CARMIL1: variants seen among roughly 807,000 people sequenced by gnomAD.
CARMIL1 encodes the protein F-actin-uncapping protein LRRC16A.
A neutral mutation model predicts 177.1 loss-of-function variants in CARMIL1; 90 were observed. That is an observed-to-expected ratio of 0.51 (90% CI 0.43 to 0.61). The LOEUF is 0.61. CARMIL1 is among the 20% of genes least tolerant of loss of function. The probability of loss-of-function intolerance (pLI) is 0.00; values close to 1 mark genes in which losing one functional copy is unlikely to be tolerated. For synonymous variants in CARMIL1, 577 were observed against 606.2 expected (o/e 0.95, Z 0.71); for missense variants, 1,380 against 1,667.0 (o/e 0.83, Z 3.00).
At chr6:25,335,672 T>C (rs920969306) in intron 2 of CARMIL1, among the ~76,000 whole-genome samples, 1 of 152,202 alleles carries the variant, frequency 6.6e-6, no homozygotes, top group African/African-American at 2.4e-5. Context: ...GTTCTTACAG[T>C]CCATTTCTAG....
At chr6:25,606,631 G>GA (rs1226011930) in intron 35 of CARMIL1, among the ~76,000 whole-genome samples, 1 of 152,176 alleles carries the variant, frequency 6.6e-6, no homozygotes, top group East Asian at 1.9e-4. Context: ...CAGACATTTT[G>GA]AAAAGCAGCA....
intron 31 of CARMIL1, among the ~76,000 whole-genome samples, chr6:25,593,018 A>G (rs1361778054): frequency 6.6e-6 from 1 of 152,178 alleles, no homozygotes; most frequent in Non-Finnish European, 1.5e-5. Context: ...AGCCTCTCTC[A>G]TAAGATCGGA....
intron 2 of CARMIL1, among the ~76,000 whole-genome samples, chr6:25,345,001 C>T (rs1311492312): frequency 1.3e-5 from 2 of 152,182 alleles, no homozygotes; most frequent in Non-Finnish European, 2.9e-5. Flanking sequence ...TACTGCAGAA[C>T]GTTTGAATGA....
chr6:25,552,088 C>G (rs972198814), intron 27 of CARMIL1, among the ~76,000 whole-genome samples: 2 of 152,006 alleles, frequency 1.3e-5, no homozygotes, highest in African/African-American at 4.8e-5. Context: ...CCCCTAAATC[C>G]TACTCAGCTG....
At chr6:25,359,012 T>C (rs1415273383) in intron 2 of CARMIL1, among the ~76,000 whole-genome samples, 1 of 152,232 alleles carries the variant, frequency 6.6e-6, no homozygotes, top group Non-Finnish European at 1.5e-5. Context: ...CATCATTCTA[T>C]GTACAATGTA....
At chr6:25,379,797 A>T (rs1791352236) in intron 2 of CARMIL1, among the ~76,000 whole-genome samples, 1 of 152,160 alleles carries the variant, frequency 6.6e-6, no homozygotes, top group African/African-American at 2.4e-5. Flanking sequence ...CAAAAGGCTC[A>T]CTTGCTTTTT....
At chr6:25,523,924 G>A (rs1384751108) in intron 23 of CARMIL1, among the ~76,000 whole-genome samples, 1 of 152,186 alleles carries the variant, frequency 6.6e-6, no homozygotes, top group Non-Finnish European at 1.5e-5. Context: ...AAAACTCCTA[G>A]GGGTCCAGTT....
chr6:25,398,004 T>C (rs16890548), intron 2 of CARMIL1, among the ~76,000 whole-genome samples: 5,788 of 152,286 alleles, frequency 0.038, 129 homozygotes, highest in South Asian at 0.08. Context: ...ATATTGATGT[T>C]ATTTAATGCA....
At chr6:25,506,135 G>A (rs547861676) in intron 17 of CARMIL1, among the ~76,000 whole-genome samples, 5 of 152,330 alleles carry the variant, frequency 3.3e-5, no homozygotes, top group African/African-American at 4.8e-5. Flanking sequence ...TCATTGTAGT[G>A]CCCCTTACCT....
intron 2 of CARMIL1, among the ~76,000 whole-genome samples, chr6:25,298,719 C>A (rs2150165697): frequency 6.6e-6 from 1 of 150,854 alleles, no homozygotes; most frequent in South Asian, 2.1e-4. Flanking sequence ...TGTTGCCTCA[C>A]TCAGTTTGCT....
intron 2 of CARMIL1, among the ~76,000 whole-genome samples, chr6:25,344,946 C>T (rs1787344346): frequency 6.6e-6 from 1 of 152,186 alleles, no homozygotes; most frequent in Non-Finnish European, 1.5e-5. Flanking sequence ...CCTCTCTTGA[C>T]TCTGATTTCT....
chr6:25,305,269 G>C (rs923157807), intron 2 of CARMIL1, among the ~76,000 whole-genome samples: 1 of 152,188 alleles, frequency 6.6e-6, no homozygotes, highest in Non-Finnish European at 1.5e-5. Flanking sequence ...TTAGTTAATA[G>C]TGTGGGGCTG....
At position 25,450,650 on chromosome 6, in the gene CARMIL1, A is replaced by C; in HGVS notation, c.553A>C (p.Ile185Leu). 6.3e-7 allele frequency: 1 copy of C among 1,596,320 alleles called. No individual in the cohort carries two copies. The highest frequency in any genetic ancestry group is 8.6e-7 in the Non-Finnish European group (1 of 1,166,666). The change falls in exon 8 of 37, where the codon ATT becomes CTT. Residue 185 changes from isoleucine to leucine, a missense_variant. Transcript: ENST00000329474. ...ATATTTCAAATAGGATGTGGATACAATTTATCTTACCCAAGACACCAGGGA... is the reference window on the plus strand; with the variant it reads ...ATATTTCAAATAGGATGTGGATACACTTTATCTTACCCAAGACACCAGGGA... ...REEVQWDVDT[I>L]YLTQDTRELN... is the part of the protein sequence containing the mutation.
At chr6:25,438,848 A>G (rs1487688544) in intron 5 of CARMIL1, among the ~76,000 whole-genome samples, 1 of 148,596 alleles carries the variant, frequency 6.7e-6, no homozygotes, top group Non-Finnish European at 1.5e-5. Flanking sequence ...TAGTTTATGA[A>G]AATCTTTTTT....
At chr6:25,528,075 T>C (rs1021467136) in intron 23 of CARMIL1, among the ~76,000 whole-genome samples, 1 of 152,238 alleles carries the variant, frequency 6.6e-6, no homozygotes, top group Non-Finnish European at 1.5e-5. Flanking sequence ...AATATGTATT[T>C]ATTGCATATT....
At chr6:25,514,814 C>G (rs982848537) in intron 20 of CARMIL1, among the ~76,000 whole-genome samples, 2 of 151,918 alleles carry the variant, frequency 1.3e-5, no homozygotes, top group Non-Finnish European at 2.9e-5. Flanking sequence ...GTTCCAGCTA[C>G]TCAGGAGGCT....
chr6:25,514,359 C>T (rs1805753600), intron 20 of CARMIL1, among the ~76,000 whole-genome samples: 1 of 151,918 alleles, frequency 6.6e-6, no homozygotes, highest in Non-Finnish European at 1.5e-5. Flanking sequence ...CCAGCCTGGC[C>T]AACATGGTGA....
intron 29 of CARMIL1, among the ~76,000 whole-genome samples, chr6:25,560,785 AGG>A (rs1811041706): frequency 6.6e-6 from 1 of 152,238 alleles, no homozygotes; most frequent in Non-Finnish European, 1.5e-5. Context: ...TCTGTAAAAT[AGG>A]TGCTTACTAG....
chr6:25,556,920 T>TA (rs367637242), intron 29 of CARMIL1, 70 bp downstream of exon 29: 55,168 of 1,085,208 alleles, frequency 0.051, 207 homozygotes, highest in East Asian at 0.069. Flanking sequence ...TTTTTTTTTT[T>TA]TAAATCTCAC....
Sources: gnomAD v4.1 joint callset for allele counts (sites outside exome capture counted in the v4.1 genomes callset) on GRCh38, gnomAD v4.1.1 for gene constraint, MANE v1.5 for transcripts, NCBI Gene and HGNC (gene_info 2026-07-23, HGNC 2026-07-21) for gene names.